The following KAZN variants were observed in gnomAD, a reference collection of about 807,000 sequenced individuals.
KAZN encodes the protein kazrin.
A neutral mutation model predicts 87.4 loss-of-function variants in KAZN; 40 were observed. That is an observed-to-expected ratio of 0.46 (90% confidence interval 0.36 to 0.60). KAZN has a LOEUF of 0.60. KAZN is among the 20% of genes least tolerant of loss of function. The probability of loss-of-function intolerance (pLI) is 0.00; values close to 1 mark genes in which losing one functional copy is unlikely to be tolerated. For missense variants in KAZN, 898 were observed against 1,073.9 expected (o/e 0.84, Z 2.29); for synonymous variants, 466 against 458.3 (o/e 1.02, Z -0.22).
At chr1:15,046,346 T>G (rs963381172) in intron 4 of KAZN, among the ~76,000 whole-genome samples, 3 of 151,442 alleles carry the variant, frequency 2.0e-5, no homozygotes, top group Admixed American at 6.6e-5. Flanking sequence ...TGCTATTAAT[T>G]AAGTGGAAGA....
At chr1:14,350,542 C>T (rs1379093754) in intron 2 of KAZN, among the ~76,000 whole-genome samples, 2 of 152,128 alleles carry the variant, frequency 1.3e-5, no homozygotes, top group African/African-American at 2.4e-5. Context: ...CATATGGTGA[C>T]ATGGGAGGGG....
chr1:14,656,173 G>A (rs187617280), intron 1 of KAZN, among the ~76,000 whole-genome samples: 14 of 152,190 alleles, frequency 9.2e-5, no homozygotes, highest in Non-Finnish European at 1.3e-4. Context: ...ACGTTCAGGC[G>A]CATCTGCCAT....
chr1:13,900,627 G>A (rs1340330452), intron 1 of KAZN, among the ~76,000 whole-genome samples: 1 of 152,174 alleles, frequency 6.6e-6, no homozygotes, highest in Non-Finnish European at 1.5e-5. Flanking sequence ...TTTCTCCAGA[G>A]ACCTATTTGT....
intron 1 of KAZN, among the ~76,000 whole-genome samples, chr1:13,907,914 G>A (rs1639507593): frequency 6.6e-6 from 1 of 152,196 alleles, no homozygotes; most frequent in Non-Finnish European, 1.5e-5. Flanking sequence ...AAAAGAGAAT[G>A]TGCTTGTCCT....
chr1:14,997,255 T>A (rs534801578), intron 2 of KAZN, among the ~76,000 whole-genome samples: 1 of 138,410 alleles, frequency 7.2e-6, no homozygotes, highest in African/African-American at 2.6e-5. Flanking sequence ...ATTTATTTAT[T>A]TTGAGACAAA....
At chr1:14,317,603 T>G (rs78803833) in intron 2 of KAZN, among the ~76,000 whole-genome samples, 2,191 of 152,002 alleles carry the variant, frequency 0.014, 60 homozygotes, top group African/African-American at 0.05. Context: ...TTTTTTTCCC[T>G]TTTTTTCTCC....
chr1:15,041,772 C>G (rs1038302477), intron 3 of KAZN, among the ~76,000 whole-genome samples: 2 of 152,126 alleles, frequency 1.3e-5, no homozygotes, highest in Non-Finnish European at 2.9e-5. Context: ...CCCCCAACCC[C>G]CTTCCAGTTC....
chr1:15,063,495 AC>A lies in KAZN; in HGVS notation c.1048-76del, dbSNP rs1228897497. The stretch of plus-strand genomic sequence containing the variant: ...ATGGCATCCTTCCACGGAAGGCCCC[AC>A]ACCGCACGGGCCGCCTCTGCTCTCC... On this transcript the variant is annotated intron_variant, in intron 6 of 14. Transcript: ENST00000376030. 5.4e-6 allele frequency: 7 copies of A among 1,285,212 alleles called. No individual in the cohort carries two copies. In the African/African-American group the frequency reaches 1.0e-4, roughly 19 times the overall value. The allele number at this position is 1,285,212 out of a possible 1,614,324, so 79.6% of individuals were successfully genotyped here.
intron 2 of KAZN, among the ~76,000 whole-genome samples, chr1:14,307,495 C>A (rs1245130820): frequency 6.6e-6 from 1 of 152,204 alleles, no homozygotes; most frequent in Non-Finnish European, 1.5e-5. Flanking sequence ...GAGATACTAT[C>A]ATTGTCCTCC....
intron 2 of KAZN, among the ~76,000 whole-genome samples, chr1:14,578,156 G>A (rs377463395): frequency 2.0e-5 from 3 of 152,012 alleles, no homozygotes; most frequent in Admixed American, 1.3e-4. Context: ...ATAGAATATC[G>A]GGTCATATCC....
intron 2 of KAZN, among the ~76,000 whole-genome samples, chr1:14,424,945 T>C (rs1665637146): frequency 6.6e-6 from 1 of 152,230 alleles, no homozygotes; most frequent in Admixed American, 6.5e-5. Flanking sequence ...AATCATCTTA[T>C]ATTCCTTGGC....
At chr1:14,115,441 A>G (rs59102815) in intron 1 of KAZN, among the ~76,000 whole-genome samples, 15,556 of 152,176 alleles carry the variant, frequency 0.1, 1,615 homozygotes, top group African/African-American at 0.26. Context: ...AATAAGTCTT[A>G]TGAGATCTAA....
At chr1:14,241,260 A>G (rs1648911350) in intron 2 of KAZN, among the ~76,000 whole-genome samples, 1 of 152,240 alleles carries the variant, frequency 6.6e-6, no homozygotes, top group African/African-American at 2.4e-5. Context: ...AACCTGAACT[A>G]GAACCCAGGA....
At chr1:14,504,011 G>C (rs570310508) in intron 2 of KAZN, among the ~76,000 whole-genome samples, 8 of 152,274 alleles carry the variant, frequency 5.3e-5, no homozygotes, top group African/African-American at 1.9e-4. Flanking sequence ...TCTCAAGGTT[G>C]CACAGGGGTA....
intron 1 of KAZN, among the ~76,000 whole-genome samples, chr1:14,097,834 G>A (rs959456603): frequency 6.6e-6 from 1 of 152,136 alleles, no homozygotes; most frequent in African/African-American, 2.4e-5. Flanking sequence ...AGTAAATTCA[G>A]GGAAAGAAGT....
chr1:14,989,659 G>T (rs1456995329), intron 2 of KAZN, among the ~76,000 whole-genome samples: 1 of 152,158 alleles, frequency 6.6e-6, no homozygotes, highest in Non-Finnish European at 1.5e-5. Flanking sequence ...GACTCAGTTG[G>T]TTCATCTGCA....
At chr1:14,618,079 A>G (rs79662935) in intron 1 of KAZN, among the ~76,000 whole-genome samples, 3,750 of 152,316 alleles carry the variant, frequency 0.025, 94 homozygotes, top group South Asian at 0.088. Context: ...TCAGCTGCTG[A>G]TATTTCAAGC....
chr1:14,758,269 G>A (rs142794354), intron 1 of KAZN, among the ~76,000 whole-genome samples: 202 of 151,718 alleles, frequency 1.3e-3, no homozygotes, highest in Middle Eastern at 6.8e-3. Context: ...GGGCTCAAGC[G>A]ATCCTCCCAC....
In KAZN at chr1:14,430,217, A is replaced by C. The variant is rs1023365116; in HGVS notation, c.250-168766A>C. On this transcript the variant is annotated intron_variant, in intron 2 of 16. Coordinates refer to the KAZN transcript ENST00000636203. ...CCACCACCTCTGCCCTGCAACCAAAAAAAAAAAAAAAAAACTCTTTATCTT... is the reference window on the plus strand; with the variant it reads ...CCACCACCTCTGCCCTGCAACCAAACAAAAAAAAAAAAAACTCTTTATCTT... 1.9e-3 allele frequency among the ~76,000 whole-genome samples: 290 copies of C among 151,398 alleles called. 1 individual carries two copies. Among genetic ancestry groups the C allele is most frequent in the African/African-American group, 6.9e-3 (286 of 41,312 alleles).
Sources: gnomAD v4.1 joint callset for allele counts (sites outside exome capture counted in the v4.1 genomes callset) on GRCh38, gnomAD v4.1.1 for gene constraint, MANE v1.5 for transcripts, NCBI Gene and HGNC (gene_info 2026-07-23, HGNC 2026-07-21) for gene names.